The following DCTN4 variants were observed in gnomAD, a reference collection of about 807,000 sequenced individuals.
DCTN4 encodes the protein dynactin 4 (p62).
Under a neutral mutation model 62.7 loss-of-function variants are expected in DCTN4, and 23 were observed. That is an observed-to-expected ratio of 0.37 (90% CI 0.26 to 0.52). The LOEUF is 0.52. DCTN4 is among the 20% of genes least tolerant of loss of function. The pLI is 0.92. For missense variants in DCTN4, 514 were observed against 580.4 expected, an observed-to-expected ratio of 0.89 and a Z score of 1.18; for synonymous variants, 199 against 202.1, an observed-to-expected ratio of 0.98 and a Z score of 0.13.
intron 4 of DCTN4, among the ~76,000 whole-genome samples, chr5:150,734,751 T>C (rs1581584386): frequency 6.6e-6 from 1 of 152,224 alleles, no homozygotes; most frequent in African/African-American, 2.4e-5. Context: ...CAAGTAGGCT[T>C]GTAGCCTGGG....
At chr5:150,722,090 T>C (rs1759973547) in intron 9 of DCTN4, among the ~76,000 whole-genome samples, 1 of 152,186 alleles carries the variant, frequency 6.6e-6, no homozygotes, top group Non-Finnish European at 1.5e-5. Context: ...GCTTCCGAAG[T>C]GCTGGGATCA....
intron 12 of DCTN4, among the ~76,000 whole-genome samples, chr5:150,714,223 T>C (rs991531129): frequency 1.3e-5 from 2 of 152,188 alleles, no homozygotes; most frequent in Non-Finnish European, 2.9e-5. Flanking sequence ...AGGATTCTGC[T>C]TGGACTGTAT....
At chr5:150,750,011 T>C (rs1413442496) in intron 3 of DCTN4, among the ~76,000 whole-genome samples, 1 of 152,162 alleles carries the variant, frequency 6.6e-6, no homozygotes, top group African/African-American at 2.4e-5. Context: ...TTACATACAC[T>C]TCTAGAAAAG....
intron 5 of DCTN4, among the ~76,000 whole-genome samples, chr5:150,732,313 C>A (rs989629209): frequency 6.6e-6 from 1 of 152,160 alleles, no homozygotes; most frequent in Non-Finnish European, 1.5e-5. Flanking sequence ...CCATGCCCAG[C>A]TAATTTTTTG....
Position 150,708,683 on chromosome 5 carries a change from CGCTT to C in DCTN4, c.*2462_*2465del, listed in dbSNP as rs922037202. On this transcript the variant is annotated 3_prime_UTR_variant, in exon 13 of 13. Transcript: ENST00000447998. ...CTCTTAGCCAACTCTCTTAACTTCA[CGCTT>C]GTCTTTTGGCTCTGAGCCATGCTAC... The C allele has an allele frequency of 6.5e-6, 1 of 152,802 alleles. No individual in the cohort carries two copies. Among genetic ancestry groups the C allele is most frequent in the African/African-American group, 2.4e-5 (1 of 41,468 alleles). 9.5% of individuals were successfully genotyped at this position (152,802 alleles called of 1,614,324 possible).
At chr5:150,758,135 A>G (rs1412054213) in intron 1 of DCTN4, 19 of 985,482 alleles carry the variant, frequency 1.9e-5, no homozygotes, top group Non-Finnish European at 2.2e-5. Flanking sequence ...CCTAAAGCTT[A>G]CTGAATAAAC....
At chr5:150,748,735 AAT>A (rs1354326732) in intron 3 of DCTN4, among the ~76,000 whole-genome samples, 1 of 145,174 alleles carries the variant, frequency 6.9e-6, no homozygotes, top group African/African-American at 2.5e-5. Context: ...GGAATTGAAC[AAT>A]GAGAACACAT....
At chr5:150,722,818 C>T in intron 9 of DCTN4, 89 bp downstream of exon 9, 2 of 898,466 alleles carry the variant, frequency 2.2e-6, no homozygotes, top group Non-Finnish European at 3.3e-6. Context: ...TTTTTTAGGC[C>T]AAGAGTAAAC....
At chr5:150,751,358 T>A (rs191964878) in intron 3 of DCTN4, among the ~76,000 whole-genome samples, 1 of 152,216 alleles carries the variant, frequency 6.6e-6, no homozygotes, top group Admixed American at 6.5e-5. Flanking sequence ...CAGCATAAGT[T>A]TATAGTTCTG....
chr5:150,720,959 G>A (rs1759937150), intron 9 of DCTN4, among the ~76,000 whole-genome samples: 1 of 152,152 alleles, frequency 6.6e-6, no homozygotes, highest in East Asian at 1.9e-4. Flanking sequence ...ATTTCTGTAG[G>A]TCTCTAACCA....
At chr5:150,724,898 C>A (rs1466068146) in intron 8 of DCTN4, among the ~76,000 whole-genome samples, 1 of 152,122 alleles carries the variant, frequency 6.6e-6, no homozygotes, top group Non-Finnish European at 1.5e-5. Flanking sequence ...TGGCTCACGC[C>A]TGTAATCCCA....
chr5:150,731,329 G>C, intron 6 of DCTN4, 87 bp downstream of exon 6: 1 of 1,146,162 alleles, frequency 8.7e-7, no homozygotes, highest in Non-Finnish European at 1.3e-6. Context: ...TGACAACTGT[G>C]TGTGTGTGTG....
chr5:150,747,014 T>A (rs200612201), intron 3 of DCTN4, among the ~76,000 whole-genome samples: 1 of 151,726 alleles, frequency 6.6e-6, no homozygotes, highest in African/African-American at 2.4e-5. Flanking sequence ...TGTTTGCAGA[T>A]GACATGATTG....
At position 150,710,172 on chromosome 5, in the gene DCTN4, A is replaced by G. The variant is rs1276918208; in HGVS notation, c.*977T>C. ...TAATTTCCCCTTCAAATCAATGGAAAGAATGCTAGTTGAGAATATTCTAAA... is the reference window on the plus strand; with the variant it reads ...TAATTTCCCCTTCAAATCAATGGAAGGAATGCTAGTTGAGAATATTCTAAA... On this transcript the variant is annotated 3_prime_UTR_variant, in exon 13 of 13. Transcript: ENST00000447998. 6.6e-6 allele frequency: 1 copy of G among 152,408 alleles called. No homozygotes were observed. The highest frequency in any genetic ancestry group is 1.5e-5 in the Non-Finnish European group (1 of 68,046). 9.4% of individuals were successfully genotyped at this position (152,408 alleles called of 1,614,324 possible).
chr5:150,715,585 T>C lies in DCTN4; in HGVS notation c.1149A>G (p.Gln383=), dbSNP rs139144865. The C allele has an allele frequency of 9.5e-5, 153 of 1,614,178 alleles. No individual in the cohort carries two copies. The African/African-American group carries it at 1.9e-3, about 20-fold the overall frequency. ...CTCACTCAGGATCGTCCTGAAAGTC[T>C]TGAGGTTCTGCCAACTCATCGTACT... ...AAEYDELAEP[Q]DFQDDPDIIA... is the part of the protein sequence containing the mutation. The change falls in exon 12 of 13, where the codon CAA becomes CAG. Residue 383 remains glutamine, a synonymous_variant. Coordinates refer to ENST00000447998, the MANE Select transcript of DCTN4 (RefSeq NM_016221.4).
At position 150,740,009 on chromosome 5, in the gene DCTN4, T is replaced by C. The variant is rs529756870; in HGVS notation, c.429+2105A>G. On this transcript the variant is annotated intron_variant, in intron 4 of 12. Transcript: ENST00000447998. ...AACATGAGAAAAATCCTTCTAGACA[T>C]TGGCTTAGGCAAAGACTTCATTACC... 2.4e-4 allele frequency among the ~76,000 whole-genome samples: 37 copies of C among 152,290 alleles called. No homozygotes were observed. In the East Asian group the frequency reaches 5.0e-3, roughly 21 times the overall value.
intron 8 of DCTN4, among the ~76,000 whole-genome samples, chr5:150,729,357 T>G (rs184294432): frequency 4.6e-5 from 7 of 152,072 alleles, no homozygotes; most frequent in African/African-American, 1.7e-4. Context: ...GGAATATATA[T>G]GCAGGACTTG....
At chr5:150,723,469 G>A (rs931658161) in intron 8 of DCTN4, among the ~76,000 whole-genome samples, 10 of 152,132 alleles carry the variant, frequency 6.6e-5, no homozygotes, top group Admixed American at 2.6e-4. Flanking sequence ...TTAAAGTACA[G>A]TAACAATGAT....
At chr5:150,757,880 G>T (rs1229523088) in intron 1 of DCTN4, 2 of 161,180 alleles carry the variant, frequency 1.2e-5, no homozygotes, top group Non-Finnish European at 2.6e-5. Context: ...TCAAATCCAG[G>T]TCCTCCTTCC....
Sources: allele counts gnomAD v4.1 joint callset (sites outside exome capture counted in the v4.1 genomes callset), GRCh38; gene constraint gnomAD v4.1.1; transcripts MANE v1.5; gene names NCBI Gene and HGNC (gene_info 2026-07-23, HGNC 2026-07-21).